The following GINS3 variants were observed in gnomAD, a reference collection of about 807,000 sequenced individuals.
The protein encoded by GINS3 is DNA replication complex GINS protein PSF3.
GINS3 carries 18 observed loss-of-function variants against 20.0 expected under a neutral mutation model. That is an observed-to-expected ratio of 0.90 (90% CI 0.62 to 1.33). The LOEUF (loss-of-function observed/expected upper bound fraction) is 1.33. GINS3 is among the 40% of genes most tolerant of loss of function. The pLI is 0.00. For missense variants in GINS3, 254 were observed against 273.6 expected, an observed-to-expected ratio of 0.93 and a Z score of 0.51; for synonymous variants, 109 against 107.0, an observed-to-expected ratio of 1.02 and a Z score of -0.12.
intron 1 of GINS3, among the ~76,000 whole-genome samples, chr16:58,396,416 C>T (rs1286623801): frequency 6.8e-5 from 8 of 118,444 alleles, no homozygotes; most frequent in African/African-American, 1.8e-4. Flanking sequence ...CCCTCCCGGA[C>T]GGGGCGGCTG....
intron 1 of GINS3, among the ~76,000 whole-genome samples, chr16:58,401,640 C>A (rs1410888491): frequency 6.6e-6 from 1 of 152,232 alleles, no homozygotes; most frequent in Non-Finnish European, 1.5e-5. Flanking sequence ...AATCCTTTAG[C>A]TAGACAGAAA....
chr16:58,392,704 C>T lies in GINS3; in HGVS notation c.103C>T (p.Arg35Cys), dbSNP rs201487958. 6.2e-7 allele frequency: 1 copy of T among 1,614,238 alleles called. No homozygotes were observed. Residue 35 changes from arginine to cysteine, a missense_variant, in exon 1 of 3, where the codon CGC (arginine) becomes TGC (cysteine). Physicochemically the swap from Arg to Cys is radical, Grantham distance 180. Transcript: ENST00000318129. ...ILMSHEKLPV[R>C]TETAMPRLGA... The stretch of plus-strand genomic sequence containing the variant: ...GATGTCCCACGAGAAGCTGCCGGTG[C>T]GCACGGAGACCGCCATGCCTCGCCT...
chr16:58,404,488 T>C lies in GINS3; in HGVS notation c.421-11T>C. 6.2e-7 allele frequency: 1 copy of C among 1,605,508 alleles called. No homozygotes were observed. The highest frequency in any genetic ancestry group is 8.5e-7 in the Non-Finnish European group (1 of 1,172,164). On this transcript the variant is annotated splice_polypyrimidine_tract_variant and intron_variant, in intron 2 of 2. Transcript: ENST00000318129. Reference sequence around the variant, plus strand: ...GTCAACCCTGACTTGTCTTACTCCCTTGTTTCCCAGACTTTTATCGGACGT... The same window carrying C: ...GTCAACCCTGACTTGTCTTACTCCCCTGTTTCCCAGACTTTTATCGGACGT...
chr16:58,396,148 AC>A (rs1256108447), intron 1 of GINS3, among the ~76,000 whole-genome samples: 1 of 124,898 alleles, frequency 8.0e-6, no homozygotes, highest in Admixed American at 8.0e-5. Flanking sequence ...TGACCCCCCC[AC>A]CTCCCTCTTG....
chr16:58,392,810 C>T (rs753402290), intron 1 of GINS3, 23 bp downstream of exon 1: 1 of 1,567,248 alleles, frequency 6.4e-7, no homozygotes, highest in Non-Finnish European at 8.6e-7. Flanking sequence ...GTGCGGGGTC[C>T]TGCCCGGAAA....
At chr16:58,403,044 A>C (rs1314603941) in intron 1 of GINS3, 54 bp from the exon 2 acceptor site, 2 of 1,422,340 alleles carry the variant, frequency 1.4e-6, no homozygotes, top group East Asian at 4.6e-5. Flanking sequence ...TTCGTCACAC[A>C]CATTTGCTGT....
At chr16:58,397,877 AG>A (rs2151493252) in intron 1 of GINS3, among the ~76,000 whole-genome samples, 1 of 152,288 alleles carries the variant, frequency 6.6e-6, no homozygotes, top group African/African-American at 2.4e-5. Flanking sequence ...CAATGGTATC[AG>A]TACAATGTTC....
chr16:58,402,706 A>G (rs974739374), intron 1 of GINS3, among the ~76,000 whole-genome samples: 33 of 152,294 alleles, frequency 2.2e-4, no homozygotes, highest in Middle Eastern at 3.4e-3. Flanking sequence ...CTAGCATCCA[A>G]TAGGGTGCTC....
chr16:58,401,726 G>C (rs969458517), intron 1 of GINS3, among the ~76,000 whole-genome samples: 1 of 152,196 alleles, frequency 6.6e-6, no homozygotes, highest in African/African-American at 2.4e-5. Context: ...GTGAGCCACC[G>C]GCCCCTGCCA....
intron 1 of GINS3, 58 bp from the exon 2 acceptor site, chr16:58,403,040 A>G (rs1037320921): frequency 2.2e-6 from 3 of 1,383,290 alleles, no homozygotes; most frequent in African/African-American, 2.8e-5. Flanking sequence ...CCTTTTCGTC[A>G]CACACATTTG....
chr16:58,393,810 CAG>C (rs1567534383), intron 1 of GINS3: 1 of 128,116 alleles, frequency 7.8e-6, no homozygotes, highest in Non-Finnish European at 1.6e-5. Flanking sequence ...AGCCTGGCGA[CAG>C]AGTGAGACTC....
chr16:58,404,621 A>G lies in GINS3; in HGVS notation c.543A>G (p.Lys181=), dbSNP rs1361464214. The change falls in exon 3 of 3, where the codon AAA becomes AAG. Residue 181 remains lysine (K), a synonymous_variant. Coordinates refer to ENST00000318129, the MANE Select transcript of GINS3 (RefSeq NM_022770.4). Reference sequence around the variant, plus strand: ...GGGGCTTATTTCAAACAGGGCAGAAAGGACTGAATGACTTTCAGTGTTGGG... The same window carrying G: ...GGGGCTTATTTCAAACAGGGCAGAAGGGACTGAATGACTTTCAGTGTTGGG... The part of the protein sequence containing the change: ...MERGLFQTGQ[K]GLNDFQCWEK... 1 of 1,614,190 alleles carries G rather than the reference A, an allele frequency of 6.2e-7. No homozygotes were observed. The highest frequency in any genetic ancestry group is 1.1e-5 in the South Asian group (1 of 91,086).
rs1385497737 is a variant in GINS3, at chr16:58,396,614, G to T, written c.186+3827G>T. Among the ~76,000 whole-genome samples the T allele has an allele frequency of 2.1e-4, 3 of 14,526 alleles. 1 individual carries two copies. Among genetic ancestry groups the T allele is most frequent in the African/African-American group, 3.3e-4 (1 of 3,002 alleles). 9.5% of individuals were successfully genotyped at this position (14,526 alleles called of 152,430 possible). A position where few individuals can be genotyped will look rare whatever the true frequency, so the allele number is the denominator to read the frequency against. On this transcript the variant is annotated intron_variant, in intron 1 of 2. Coordinates refer to ENST00000318129, the MANE Select transcript of GINS3 (RefSeq NM_022770.4). ...GACGGGGCGGCTGGCCGGGCGGGGGGCTGATCCCCCCACCTCCCTTCCCGG... is the reference window on the plus strand; with the variant it reads ...GACGGGGCGGCTGGCCGGGCGGGGGTCTGATCCCCCCACCTCCCTTCCCGG...
intron 1 of GINS3, among the ~76,000 whole-genome samples, chr16:58,401,433 G>C (rs1189930762): frequency 6.6e-6 from 1 of 152,132 alleles, no homozygotes; most frequent in Non-Finnish European, 1.5e-5. Context: ...TGGTGGCTTG[G>C]TGGCCTGCTT....
intron 2 of GINS3, chr16:58,404,293 C>G: frequency 1.7e-6 from 1 of 573,926 alleles, no homozygotes; most frequent in Non-Finnish European, 3.1e-6. Flanking sequence ...ACTGGATTTT[C>G]ATAACAATCC....
intron 1 of GINS3, among the ~76,000 whole-genome samples, chr16:58,398,147 C>T (rs1188461001): frequency 1.3e-5 from 2 of 152,148 alleles, no homozygotes; most frequent in Non-Finnish European, 2.9e-5. Context: ...CACACACACA[C>T]ACACAGATAC....
intron 1 of GINS3, among the ~76,000 whole-genome samples, chr16:58,396,690 C>T (rs1254735264): frequency 5.0e-5 from 6 of 120,276 alleles, no homozygotes; most frequent in South Asian, 2.8e-4. Flanking sequence ...CCCTCCCGGA[C>T]GGGGCGGCTG....
In GINS3 at chr16:58,392,942, C is replaced by T. The variant is rs1002603630; in HGVS notation, c.186+155C>T. On this transcript the variant is annotated intron_variant, in intron 1 of 2. Transcript: ENST00000318129. ...CGCTAACGACTTCTCGGAAACTCCG[C>T]GGGGGTCCCTTCGCGCTCGGGGTGG... 3.1e-5 allele frequency: 23 copies of T among 748,708 alleles called. No homozygotes were observed. In the African/African-American group the frequency reaches 3.4e-4, roughly 11 times the overall value. 46.4% of individuals were successfully genotyped at this position (748,708 alleles called of 1,614,324 possible).
intron 2 of GINS3, 43 bp from the exon 3 acceptor site, chr16:58,404,456 G>A (rs779505892): frequency 2.4e-6 from 3 of 1,256,064 alleles, no homozygotes; most frequent in South Asian, 2.4e-5. Flanking sequence ...ACTTTGTGGG[G>A]TGTGAGGTCA....
Sources: gnomAD v4.1 joint callset for allele counts (sites outside exome capture counted in the v4.1 genomes callset) on GRCh38, gnomAD v4.1.1 for gene constraint, MANE v1.5 for transcripts, NCBI Gene and HGNC (gene_info 2026-07-23, HGNC 2026-07-21) for gene names.